The following ERBB4 variants were observed in gnomAD, a reference collection of about 807,000 sequenced individuals.
ERBB4 encodes erb-b2 receptor tyrosine kinase 4.
ERBB4 carries 42 observed loss-of-function variants against 158.0 expected under a neutral mutation model. The ratio of observed to expected loss-of-function variants is 0.27; its 90% confidence interval spans 0.21 to 0.34. The LOEUF (loss-of-function observed/expected upper bound fraction) is 0.34, where lower values mean the gene tolerates loss of function less well. ERBB4 is among the 10% of genes least tolerant of loss of function. The pLI, the probability that ERBB4 is intolerant of heterozygous loss-of-function variation, is 1.00. For synonymous variants in ERBB4, 583 were observed against 558.7 expected (o/e 1.04, Z -0.61); for missense variants, 1,333 against 1,624.1 (o/e 0.82, Z 3.08).
intron 2 of ERBB4, among the ~76,000 whole-genome samples, chr2:211,993,990 A>G (rs564930894): frequency 2.6e-5 from 4 of 152,048 alleles, no homozygotes; most frequent in African/African-American, 9.6e-5. Context: ...ATATTATTTT[A>G]TGTATTAGTA....
intron 5 of ERBB4, among the ~76,000 whole-genome samples, chr2:211,742,590 G>GT (rs563135071): frequency 0.15 from 18,344 of 119,152 alleles, 2,197 homozygotes; most frequent in African/African-American, 0.35. Flanking sequence ...CCAGGCTAAG[G>GT]TTTTGTTTTT....
intron 2 of ERBB4, among the ~76,000 whole-genome samples, chr2:212,087,905 G>T (rs2078663334): frequency 1.7e-5 from 2 of 117,676 alleles, no homozygotes; most frequent in African/African-American, 5.0e-5. Context: ...CTGTTAAAAA[G>T]GAATAATAAT....
chr2:211,876,422 T>C (rs1480741932), intron 3 of ERBB4, among the ~76,000 whole-genome samples: 2 of 152,144 alleles, frequency 1.3e-5, no homozygotes, highest in Non-Finnish European at 2.9e-5. Context: ...GTATTCATAC[T>C]GGAGCCTTGT....
chr2:212,371,971 G>C (rs983514869), intron 1 of ERBB4, among the ~76,000 whole-genome samples: 1 of 152,054 alleles, frequency 6.6e-6, no homozygotes, highest in South Asian at 2.1e-4. Flanking sequence ...GATGGCAATA[G>C]TATATAAAAT....
chr2:211,437,682 T>G (rs2063884446), intron 20 of ERBB4, among the ~76,000 whole-genome samples: 1 of 152,192 alleles, frequency 6.6e-6, no homozygotes, highest in Admixed American at 6.5e-5. Context: ...AGCTAAAAAT[T>G]TCAAGCTGCA....
At chr2:212,468,397 A>T (rs1470958065) in intron 1 of ERBB4, among the ~76,000 whole-genome samples, 2 of 152,136 alleles carry the variant, frequency 1.3e-5, no homozygotes, top group Non-Finnish European at 2.9e-5. Context: ...TGATTGAATC[A>T]TGGGGTGAGC....
At chr2:211,437,611 A>G (rs181727464) in intron 20 of ERBB4, among the ~76,000 whole-genome samples, 1 of 152,318 alleles carries the variant, frequency 6.6e-6, no homozygotes, top group East Asian at 1.9e-4. Context: ...ACTATTTCTG[A>G]CAATAAATAT....
chr2:212,055,890 C>T (rs539687376), intron 2 of ERBB4, among the ~76,000 whole-genome samples: 18 of 152,346 alleles, frequency 1.2e-4, no homozygotes, highest in East Asian at 5.8e-4. Flanking sequence ...TCCAAAGGAG[C>T]GCAGCTCCTC....
chr2:211,867,528 C>T (rs888233269), intron 3 of ERBB4, among the ~76,000 whole-genome samples: 2 of 152,154 alleles, frequency 1.3e-5, no homozygotes, highest in Admixed American at 6.6e-5. Context: ...AATGGTAACA[C>T]TTTACACATA....
At chr2:212,174,288 T>A (rs1167227420) in intron 1 of ERBB4, among the ~76,000 whole-genome samples, 5 of 152,148 alleles carry the variant, frequency 3.3e-5, no homozygotes, top group Non-Finnish European at 7.4e-5. Context: ...CAGATGTTTA[T>A]TAAATATGTG....
intron 1 of ERBB4, among the ~76,000 whole-genome samples, chr2:212,431,827 C>A (rs1383626297): frequency 6.6e-6 from 1 of 152,188 alleles, no homozygotes; most frequent in Non-Finnish European, 1.5e-5. Context: ...CAGATCTTTA[C>A]TCAAATGCCA....
At chr2:211,394,042 A>T (rs3791687) in intron 25 of ERBB4, among the ~76,000 whole-genome samples, 36,284 of 151,832 alleles carry the variant, frequency 0.24, 4,541 homozygotes, top group South Asian at 0.46. Flanking sequence ...AGCAATTCCT[A>T]TGCCCTTTCC....
intron 1 of ERBB4, among the ~76,000 whole-genome samples, chr2:212,224,304 G>C (rs2083401851): frequency 6.6e-6 from 1 of 151,822 alleles, no homozygotes; most frequent in South Asian, 2.1e-4. Flanking sequence ...AGCGTACTGT[G>C]ACTTTATATT....
chr2:211,624,934 A>AG (rs968455235), intron 17 of ERBB4, among the ~76,000 whole-genome samples: 24 of 151,914 alleles, frequency 1.6e-4, no homozygotes, highest in African/African-American at 3.9e-4. Context: ...ACATAATCAC[A>AG]GGGGGGGCTG....
At chr2:212,220,937 A>G (rs1365268595) in intron 1 of ERBB4, among the ~76,000 whole-genome samples, 2 of 151,560 alleles carry the variant, frequency 1.3e-5, no homozygotes, top group South Asian at 2.1e-4. Context: ...CTTCTATAAA[A>G]GGATGTGAAA....
At chr2:211,979,542 A>C (rs1012652761) in intron 2 of ERBB4, among the ~76,000 whole-genome samples, 2 of 152,140 alleles carry the variant, frequency 1.3e-5, no homozygotes, top group Non-Finnish European at 2.9e-5. Flanking sequence ...TTTAAAGAAA[A>C]GTATTTATTT....
At chr2:212,514,181 TAAA>T (rs535684834) in intron 1 of ERBB4, among the ~76,000 whole-genome samples, 1 of 138,380 alleles carries the variant, frequency 7.2e-6, no homozygotes. Flanking sequence ...TGAAATTGTG[TAAA>T]AAAAAAAAAA....
chr2:211,908,732 A>T (rs2079463056), intron 3 of ERBB4, among the ~76,000 whole-genome samples: 1 of 151,754 alleles, frequency 6.6e-6, no homozygotes, highest in Admixed American at 6.6e-5. Context: ...TTTGTAGCAA[A>T]TTGTTCTCAC....
intron 1 of ERBB4, among the ~76,000 whole-genome samples, chr2:212,199,908 A>G (rs2082543201): frequency 6.6e-6 from 1 of 152,230 alleles, no homozygotes; most frequent in Admixed American, 6.5e-5. Context: ...GTATGAAAAG[A>G]TATTAGTGGA....
Sources: allele counts gnomAD v4.1 joint callset (sites outside exome capture counted in the v4.1 genomes callset), GRCh38; gene constraint gnomAD v4.1.1; transcripts MANE v1.5; gene names NCBI Gene and HGNC (gene_info 2026-07-23, HGNC 2026-07-21).